The following C2orf92 variants were observed in gnomAD, a reference collection of about 807,000 sequenced individuals.
C2orf92 encodes the protein chromosome 2 open reading frame 92.
chr2:97,677,792 C>A (rs1261639504), intron 3 of C2orf92: 1 of 151,954 alleles, frequency 6.6e-6, no homozygotes, highest in African/African-American at 2.4e-5. Context: ...GTTCACTGAA[C>A]TAAAGGAGAC....
At chr2:97,689,115 T>C (rs920436118) in intron 4 of C2orf92, 122 bp downstream of exon 4, 2 of 396,332 alleles carry the variant, frequency 5.0e-6, no homozygotes, top group East Asian at 3.6e-5. Context: ...CAAAGCCAAA[T>C]TGAGATATGA....
upstream of C2orf92, among the ~76,000 whole-genome samples, chr2:97,666,676 C>G (rs1477365831): frequency 1.3e-5 from 2 of 151,698 alleles, no homozygotes; most frequent in Non-Finnish European, 2.9e-5. Context: ...AACCCTGTCT[C>G]TACAAAAAAT....
chr2:97,670,299 C>T (rs948741623), intron 1 of C2orf92: 1 of 152,088 alleles, frequency 6.6e-6, no homozygotes, highest in Admixed American at 6.6e-5. Flanking sequence ...TGTGACAGGC[C>T]TAGGCAACAT....
intron 6 of C2orf92, 43 bp from the exon 7 acceptor site, chr2:97,701,111 G>A (rs1034389830): frequency 1.9e-4 from 74 of 398,060 alleles, no homozygotes; most frequent in African/African-American, 1.9e-4. Context: ...TGGGTAGCCC[G>A]GTGGGTATCT....
At chr2:97,667,846 C>T (rs1675285793), upstream of C2orf92, 1 of 152,158 alleles carries the variant, frequency 6.6e-6, no homozygotes, top group African/African-American at 2.4e-5. Context: ...AATGCCCGTT[C>T]CTGAATAAAC....
intron 3 of C2orf92, among the ~76,000 whole-genome samples, chr2:97,676,433 CAA>C (rs1302287547): frequency 6.4e-5 from 2 of 31,116 alleles, no homozygotes; most frequent in African/African-American, 1.7e-4. Flanking sequence ...GACTCCATCT[CAA>C]AAAAAAAAAA....
rs566452799 is a variant in C2orf92 at position 97,699,070 on chromosome 2, G to A, written c.448G>A (p.Asp150Asn). 3.3e-5 allele frequency: 13 copies of A among 398,488 alleles called. No individual in the cohort carries two copies. The highest frequency in any genetic ancestry group is 1.4e-4 in the East Asian group (4 of 28,064). The allele number at this position is 398,488 out of a possible 1,614,324, so 24.7% of individuals were successfully genotyped here. A position where few individuals can be genotyped will look rare whatever the true frequency, so the allele number is the denominator to read the frequency against. ...EKNFKESCLF[D>N]RDLREQLTTI... Reference sequence around the variant, plus strand: ...GAATTTTAAAGAATCCTGTCTGTTCGACAGGGATTTAAGAGAGCAGTTAAC... The same window carrying A: ...GAATTTTAAAGAATCCTGTCTGTTCAACAGGGATTTAAGAGAGCAGTTAAC... Residue 150 changes from aspartate (D) to asparagine (N), a missense_variant, in exon 6 of 8, where the codon GAC (aspartate) becomes AAC (asparagine). By Grantham distance (23) the Asp-to-Asn change is conservative. Transcript: ENST00000627399.
At chr2:97,687,446 G>T (rs578058328) in intron 3 of C2orf92, among the ~76,000 whole-genome samples, 10 of 152,264 alleles carry the variant, frequency 6.6e-5, no homozygotes, top group African/African-American at 2.4e-4. Flanking sequence ...GCAAAGCCAA[G>T]GCCCAAGGAA....
intron 3 of C2orf92, among the ~76,000 whole-genome samples, chr2:97,681,630 G>A (rs919990214): frequency 5.3e-5 from 8 of 152,156 alleles, no homozygotes; most frequent in Non-Finnish European, 7.4e-5. Flanking sequence ...AGGCCTAGGC[G>A]GGCGGATCAC....
chr2:97,702,942 T>C lies in C2orf92; in HGVS notation c.*141T>C, dbSNP rs1573234472. On this transcript the variant is annotated 3_prime_UTR_variant, in exon 8 of 8. Coordinates refer to ENST00000627399, the MANE Select transcript of C2orf92 (RefSeq NM_001351368.2). Reference sequence around the variant, plus strand: ...CGTCTGCTTCCCATCCCAATTTGAATGGACCAAGAAAAACTGCTTTACCAT... The same window carrying C: ...CGTCTGCTTCCCATCCCAATTTGAACGGACCAAGAAAAACTGCTTTACCAT... 2.5e-6 allele frequency: 1 copy of C among 396,182 alleles called. No homozygotes were observed. The highest frequency in any genetic ancestry group is 4.4e-6 in the Non-Finnish European group (1 of 224,972). The allele number at this position is 396,182 out of a possible 1,614,324, so 24.5% of individuals were successfully genotyped here.
At chr2:97,692,750 T>A (rs773868961) in intron 5 of C2orf92, among the ~76,000 whole-genome samples, 4 of 152,222 alleles carry the variant, frequency 2.6e-5, no homozygotes, top group Admixed American at 6.5e-5. Context: ...CTACCTGATT[T>A]ATTTATCATG....
intron 2 of C2orf92, chr2:97,675,569 G>C (rs1675546502): frequency 6.0e-6 from 2 of 335,512 alleles, no homozygotes; most frequent in Non-Finnish European, 1.1e-5. Flanking sequence ...CCGTTTTCCT[G>C]TAGCATTAAA....
intron 1 of C2orf92, chr2:97,664,496 C>G (rs1485426520): frequency 6.6e-6 from 1 of 152,204 alleles, no homozygotes; most frequent in African/African-American, 2.4e-5. Context: ...CTCTGTCGCT[C>G]AGGCTGGAAA....
At chr2:97,683,076 CCACACACACACACACA>C (rs760650490) in intron 3 of C2orf92, among the ~76,000 whole-genome samples, 2 of 143,166 alleles carry the variant, frequency 1.4e-5, no homozygotes, top group South Asian at 2.3e-4. Flanking sequence ...CATATAGACT[CCACACACACACACACA>C]CACACACACA....
intron 1 of C2orf92, chr2:97,671,309 A>C: frequency 1.6e-5 from 6 of 372,308 alleles, no homozygotes; most frequent in East Asian, 7.6e-5. Flanking sequence ...ACGCCCAGGT[A>C]ATTAATTTTT....
intron 3 of C2orf92, among the ~76,000 whole-genome samples, chr2:97,687,249 C>T (rs1675994291): frequency 6.6e-6 from 1 of 152,076 alleles, no homozygotes; most frequent in Admixed American, 6.6e-5. Flanking sequence ...TGCCTGTAGT[C>T]TCAGCTACTC....
chr2:97,673,305 G>C (rs1278144326), intron 1 of C2orf92, among the ~76,000 whole-genome samples: 1 of 152,194 alleles, frequency 6.6e-6, no homozygotes, highest in African/African-American at 2.4e-5. Context: ...GTGGGGTGGA[G>C]TGTGTGAGTC....
intron 3 of C2orf92, among the ~76,000 whole-genome samples, chr2:97,686,202 G>A (rs533226477): frequency 1.3e-5 from 2 of 152,284 alleles, no homozygotes; most frequent in South Asian, 4.1e-4. Flanking sequence ...GGCTGAACTT[G>A]TCCTTTTACA....
chr2:97,675,545 G>A (rs1675545700), intron 2 of C2orf92: 1 of 294,718 alleles, frequency 3.4e-6, no homozygotes, highest in Admixed American at 5.1e-5. Flanking sequence ...CATACACCAT[G>A]TAGGCCTTTC....
Sources: gnomAD v4.1 joint callset for allele counts (sites outside exome capture counted in the v4.1 genomes callset) on GRCh38, gnomAD v4.1.1 for gene constraint, MANE v1.5 for transcripts, NCBI Gene and HGNC (gene_info 2026-07-23, HGNC 2026-07-21) for gene names.